The following PTPN7 variants were observed in gnomAD, a reference collection of about 807,000 sequenced individuals.
PTPN7 encodes tyrosine-protein phosphatase non-receptor type 7.
PTPN7 carries 33 observed loss-of-function variants against 50.3 expected under a neutral mutation model. The ratio of observed to expected loss-of-function variants is 0.66; its 90% CI spans 0.50 to 0.88. PTPN7 has a LOEUF of 0.88. PTPN7 is among the 40% of genes least tolerant of loss of function. The pLI, the probability that PTPN7 is intolerant of heterozygous loss-of-function variation, is 0.00. For synonymous variants in PTPN7, 185 were observed against 186.6 expected (o/e 0.99, Z 0.07); for missense variants, 412 against 475.4 (o/e 0.87, Z 1.24).
Position 202,159,209 on chromosome 1 carries a change from CA to C in PTPN7, c.122+71del, listed in dbSNP as rs1657041636. 1 of 1,473,694 alleles carries C rather than the reference CA, an allele frequency of 6.8e-7. No individual in the cohort carries two copies. Among genetic ancestry groups the C allele is most frequent in the African/African-American group, 1.4e-5 (1 of 72,126 alleles). 91.3% of individuals were successfully genotyped at this position (1,473,694 alleles called of 1,614,324 possible). On this transcript the variant is annotated intron_variant, in intron 2 of 9. Transcript: ENST00000691036. This position sits in a 1 kb window ranked among gnomAD's most constrained non-coding sequence, Gnocchi z 4.6. Reference sequence around the variant, plus strand: ...GACCCTGCTGTCAGAGCTGGAGGGGCAGATGGAAGGAAGGGAGGAGCGGAAT... The same window carrying C: ...GACCCTGCTGTCAGAGCTGGAGGGGCGATGGAAGGAAGGGAGGAGCGGAAT...
chr1:202,149,828 T>C (rs1055969667), intron 9 of PTPN7: 5 of 132,426 alleles, frequency 3.8e-5, no homozygotes, highest in Non-Finnish European at 6.1e-5. Flanking sequence ...TTCTTTTTTT[T>C]GTTTTTTTTT....
rs1033006870 is a variant in PTPN7, at chr1:202,159,678, GGAT to G, written c.-52-227_-52-225del. 1 of 1,393,100 alleles carries G rather than the reference GGAT, an allele frequency of 7.2e-7. No individual in the cohort carries two copies. Among genetic ancestry groups the G allele is most frequent in the African/African-American group, 1.4e-5 (1 of 69,506 alleles). The allele number at this position is 1,393,100 out of a possible 1,614,324, so 86.3% of individuals were successfully genotyped here. A position where few individuals can be genotyped will look rare whatever the true frequency, so the allele number is the denominator to read the frequency against. ...CGGCAAGATAAAGGGTAGAGATTGTGGATGAAGATAGGAAAGAATCCAGAAGGA... is the reference window on the plus strand; with the variant it reads ...CGGCAAGATAAAGGGTAGAGATTGTGGAAGATAGGAAAGAATCCAGAAGGA... On this transcript the variant is annotated intron_variant, in intron 1 of 9. Transcript: ENST00000691036. The surrounding 1 kb of genome is among the most constrained non-coding windows in gnomAD (Gnocchi z 4.6).
At chr1:202,161,534 T>C, upstream of PTPN7, 2 of 1,288,992 alleles carry the variant, frequency 1.6e-6, no homozygotes, top group Non-Finnish European at 2.0e-6. Context: ...GCAGGCTCCT[T>C]GCGGGCCAGC....
chr1:202,149,006 C>T lies in PTPN7; in HGVS notation c.990-307G>A, dbSNP rs1655637968. Among the ~76,000 whole-genome samples, 3 of 151,970 alleles carry T rather than the reference C, an allele frequency of 2.0e-5. 1 individual carries two copies. The South Asian group carries it at 6.2e-4, about 32-fold the overall frequency. On this transcript the variant is annotated intron_variant, in intron 9 of 9. Coordinates refer to ENST00000691036, the MANE Select transcript of PTPN7 (RefSeq NM_002832.4). Reference sequence around the variant, plus strand: ...GAGTAGCTAGGACTACAAGTGCCTGCCACCTTGCCCAGCTAATTTTTGTAT... The same window carrying T: ...GAGTAGCTAGGACTACAAGTGCCTGTCACCTTGCCCAGCTAATTTTTGTAT...
chr1:202,156,942 C>T (rs567156258), intron 4 of PTPN7, among the ~76,000 whole-genome samples: 9 of 152,300 alleles, frequency 5.9e-5, no homozygotes, highest in East Asian at 5.8e-4. Context: ...CCTCCCTCCC[C>T]GCCTCCACTG....
chr1:202,157,229 G>T (rs1304757236), intron 4 of PTPN7, among the ~76,000 whole-genome samples: 1 of 152,216 alleles, frequency 6.6e-6, no homozygotes, highest in African/African-American at 2.4e-5. Context: ...AAGGATTGAG[G>T]CTGGACGCGG....
At chr1:202,157,637 C>T in intron 4 of PTPN7, 102 bp downstream of exon 4, 1 of 1,090,602 alleles carries the variant, frequency 9.2e-7, no homozygotes. Context: ...ATGTGCCAAG[C>T]AAGGTTGATC....
chr1:202,158,881 C>T (rs1657002202), intron 2 of PTPN7: 1 of 188,858 alleles, frequency 5.3e-6, no homozygotes, highest in Non-Finnish European at 1.1e-5. Context: ...ACCTCAGCCT[C>T]CCAAAGTGCT....
chr1:202,157,948 G>T, intron 3 of PTPN7, 125 bp from the exon 4 acceptor site: 1 of 1,246,216 alleles, frequency 8.0e-7, no homozygotes, highest in Non-Finnish European at 1.1e-6. Flanking sequence ...CCTAGATGGG[G>T]TGGGGGCAGA....
In PTPN7 at chr1:202,160,139, G is replaced by T. The variant is rs186016497; in HGVS notation, c.-53+406C>A. 2.0e-5 allele frequency: 6 copies of T among 295,568 alleles called. No individual in the cohort carries two copies. Among genetic ancestry groups the T allele is most frequent in the African/African-American group, 6.7e-5 (3 of 44,792 alleles). The allele number at this position is 295,568 out of a possible 1,614,324, so 18.3% of individuals were successfully genotyped here. A position where few individuals can be genotyped will look rare whatever the true frequency, so the allele number is the denominator to read the frequency against. On this transcript the variant is annotated intron_variant, in intron 1 of 9. Coordinates refer to ENST00000691036, the MANE Select transcript of PTPN7 (RefSeq NM_002832.4). This position sits in a 1 kb window ranked among gnomAD's most constrained non-coding sequence, Gnocchi z 4.8. ...GCGCATGGTGAGGCGACAGCTGGGG[G>T]CAAGACAGGAGGCATGGAGGTGGTG...
intron 4 of PTPN7, 64 bp downstream of exon 4, chr1:202,157,675 C>A: frequency 6.8e-7 from 1 of 1,464,300 alleles, no homozygotes; most frequent in South Asian, 1.2e-5. Context: ...TGTACTTTGT[C>A]CTCTGAAGTT....
chr1:202,157,837 G>T lies in PTPN7; in HGVS notation c.307-14C>A, dbSNP rs1656856421. On this transcript the variant is annotated splice_polypyrimidine_tract_variant and intron_variant, in intron 3 of 9. Transcript: ENST00000691036. ...TGAAGGGATCTTCTGGCAGGGGGAG[G>T]AAATGGGTGAGCAGCTGACTCCTAG... The T allele has an allele frequency of 2.5e-6, 4 of 1,610,328 alleles. No homozygotes were observed. Among genetic ancestry groups the T allele is most frequent in the Non-Finnish European group, 3.4e-6 (4 of 1,176,510 alleles).
At position 202,152,556 on chromosome 1, in the gene PTPN7, G is replaced by A. The variant is rs200658575; in HGVS notation, c.861C>T (p.Ile287=). 35 of 1,612,952 alleles carry A rather than the reference G, an allele frequency of 2.2e-5. No individual in the cohort carries two copies. The highest frequency in any genetic ancestry group is 5.0e-5 in the Admixed American group (3 of 60,002). ...SPETAAHPGP[I]VVHCSAGIGR... ...GGGCCACGCACCTGCAGTGGACTAC[G>A]ATAGGCCCGGGGTGGGCGGCTGTCT... The change falls in exon 8 of 10, where the codon ATC becomes ATT. Residue 287 remains isoleucine (I), a synonymous_variant. Coordinates refer to ENST00000691036, the MANE Select transcript of PTPN7 (RefSeq NM_002832.4).
Position 202,160,591 on chromosome 1 carries a change from G to C in PTPN7, c.-99C>G, listed in dbSNP as rs765774360. 1 of 1,550,366 alleles carries C rather than the reference G, an allele frequency of 6.5e-7. No homozygotes were observed. The highest frequency in any genetic ancestry group is 8.7e-7 in the Non-Finnish European group (1 of 1,146,906). On this transcript the variant is annotated 5_prime_UTR_variant, in exon 1 of 10. Coordinates refer to ENST00000691036, the MANE Select transcript of PTPN7 (RefSeq NM_002832.4). This position sits in a 1 kb window ranked among gnomAD's most constrained non-coding sequence, Gnocchi z 4.8. ...GCTGCCTCTTGCCAGCTGTCTGTCT[G>C]TCTGTCGGTCTGTCTTTGAGGGCTG...
Position 202,158,213 on chromosome 1 carries a change from T to G in PTPN7, c.211A>C (p.Thr71Pro). 1.9e-6 allele frequency: 3 copies of G among 1,613,976 alleles called. No individual in the cohort carries two copies. The highest frequency in any genetic ancestry group is 2.5e-6 in the Non-Finnish European group (3 of 1,179,942). ...ICSVNTPREV[T>P]LHFLRTAGHP... is the part of the protein sequence containing the mutation. ...CCAGCAGTGCGCAGAAAGTGTAGGG[T>G]GACCTCCCGGGGTGTGTTCACAGAG... The change falls in exon 3 of 10, where the codon ACC (threonine) becomes CCC (proline). Residue 71 changes from threonine to proline, a missense_variant. Coordinates refer to ENST00000691036, the MANE Select transcript of PTPN7 (RefSeq NM_002832.4).
intron 5 of PTPN7, among the ~76,000 whole-genome samples, chr1:202,154,558 C>G (rs1380257746): frequency 2.0e-5 from 3 of 152,046 alleles, no homozygotes; most frequent in Non-Finnish European, 4.4e-5. Flanking sequence ...AGCCAGTTAC[C>G]TAGCCTCCGT....
At chr1:202,160,640 C>G, upstream of PTPN7, 1 of 1,550,580 alleles carries the variant, frequency 6.4e-7, no homozygotes, top group South Asian at 1.2e-5. The surrounding 1 kb of genome is among the most constrained non-coding windows in gnomAD (Gnocchi z 4.8). Context: ...AAGCCAGCTT[C>G]CTCCCTCCGC....
intron 3 of PTPN7, 145 bp downstream of exon 3, chr1:202,157,969 TGGGG>T: frequency 1.6e-6 from 2 of 1,223,892 alleles, no homozygotes; most frequent in African/African-American, 1.5e-5. Flanking sequence ...AGGGGAAGCC[TGGGG>T]GCAGCCCCTC....
At chr1:202,157,947 G>T in intron 3 of PTPN7, 124 bp from the exon 4 acceptor site, 1 of 1,244,260 alleles carries the variant, frequency 8.0e-7, no homozygotes, top group Non-Finnish European at 1.1e-6. Context: ...GCCTAGATGG[G>T]GTGGGGGCAG....
Sources: allele counts gnomAD v4.1 joint callset (sites outside exome capture counted in the v4.1 genomes callset), GRCh38; gene constraint gnomAD v4.1.1; non-coding constraint Gnocchi (gnomAD v3.1); transcripts MANE v1.5; gene names NCBI Gene and HGNC (gene_info 2026-07-23, HGNC 2026-07-21).